ABHD5: variants seen among roughly 807,000 people sequenced by gnomAD.
ABHD5 encodes the protein 1-acylglycerol-3-phosphate O-acyltransferase ABHD5.
In ABHD5, 30 loss-of-function variants were observed where a neutral mutation model predicts 44.9. That is an observed-to-expected ratio of 0.67 (90% CI 0.50 to 0.91). The LOEUF (loss-of-function observed/expected upper bound fraction) is 0.91, where lower values mean the gene tolerates loss of function less well. Ranked by LOEUF, ABHD5 falls within the 40% of genes least tolerant of loss-of-function variation. The pLI is 0.00. For synonymous variants in ABHD5, 167 were observed against 147.0 expected (o/e 1.14, Z -0.99); for missense variants, 399 against 423.4 (o/e 0.94, Z 0.50).
At chr3:43,733,221 A>G (rs973290232) in intron 7 of ABHD5, among the ~76,000 whole-genome samples, 21 of 152,204 alleles carry the variant, frequency 1.4e-4, no homozygotes, top group African/African-American at 4.8e-4. Context: ...GGGCTGTCTT[A>G]GAGCTTACTC....
At chr3:43,703,580 GT>G (rs1308594875) in intron 3 of ABHD5, among the ~76,000 whole-genome samples, 2 of 152,126 alleles carry the variant, frequency 1.3e-5, no homozygotes, top group South Asian at 4.1e-4. Context: ...ACTCATCTTT[GT>G]TTTGATCATC....
chr3:43,707,429 A>G (rs1022135866), intron 3 of ABHD5, among the ~76,000 whole-genome samples: 2 of 152,032 alleles, frequency 1.3e-5, no homozygotes, highest in African/African-American at 4.8e-5. Context: ...AAGCTGTTCT[A>G]CTTGATTCGA....
At position 43,721,101 on chromosome 3, in the gene ABHD5, A is replaced by G. The variant is rs892568627; in HGVS notation, c.*2569A>G. The G allele has an allele frequency of 6.6e-6, 1 of 152,180 alleles. No homozygotes were observed. The highest frequency in any genetic ancestry group is 1.5e-5 in the Non-Finnish European group (1 of 68,014). 9.4% of individuals were successfully genotyped at this position (152,180 alleles called of 1,614,324 possible). ...GATGCCTAGAAAAGAACAATGTGGA[A>G]GGAGGGATAACCCTATTAAATATTA... On this transcript the variant is annotated 3_prime_UTR_variant, in exon 7 of 7. Coordinates refer to ENST00000644371, the MANE Select transcript of ABHD5 (RefSeq NM_016006.6).
intron 3 of ABHD5, among the ~76,000 whole-genome samples, chr3:43,706,184 T>A (rs1026022844): frequency 1.3e-5 from 2 of 152,180 alleles, no homozygotes; most frequent in African/African-American, 4.8e-5. Flanking sequence ...CACACACGTT[T>A]TCTCTGGTGC....
rs559136431 is a variant in ABHD5, at chr3:43,695,993, G to T, written c.48-3283G>T. ...TAAAACAAGAATCCTTTCTTTTTTT[G>T]TTTTTGTTTCTGTGATTAGATGCTT... On this transcript the variant is annotated intron_variant, in intron 1 of 6. Coordinates refer to ENST00000644371, the MANE Select transcript of ABHD5 (RefSeq NM_016006.6). Among the ~76,000 whole-genome samples the T allele has an allele frequency of 1.5e-3, 235 of 151,956 alleles. 1 individual carries two copies. The highest frequency in any genetic ancestry group is 5.2e-3 in the African/African-American group (216 of 41,472).
In ABHD5 at chr3:43,719,747, C is replaced by G. The variant is rs2084811050; in HGVS notation, c.*1215C>G. ...AAATGCTCCATGTGGTAACTGGCTG[C>G]TGAGAAAACCCTTCACCAAAAAAAT... On this transcript the variant is annotated 3_prime_UTR_variant, in exon 7 of 7. Coordinates refer to ENST00000644371, the MANE Select transcript of ABHD5 (RefSeq NM_016006.6). 1 of 152,050 alleles carries G rather than the reference C, an allele frequency of 6.6e-6. No homozygotes were observed. The highest frequency in any genetic ancestry group is 2.1e-4 in the South Asian group (1 of 4,824). The allele number at this position is 152,050 out of a possible 1,614,324, so 9.4% of individuals were successfully genotyped here.
chr3:43,697,420 A>G (rs1219703044), intron 1 of ABHD5, among the ~76,000 whole-genome samples: 1 of 152,038 alleles, frequency 6.6e-6, no homozygotes, highest in East Asian at 1.9e-4. Flanking sequence ...AAGACAATGG[A>G]TGAGATTGAG....
chr3:43,724,953 A>G (rs997067354), downstream of ABHD5, among the ~76,000 whole-genome samples: 2 of 152,226 alleles, frequency 1.3e-5, no homozygotes, highest in Admixed American at 6.5e-5. Flanking sequence ...ACTGTAAAAT[A>G]TAGAAAAATC....
At chr3:43,723,454 A>C (rs2084857083), downstream of ABHD5, among the ~76,000 whole-genome samples, 2 of 152,230 alleles carry the variant, frequency 1.3e-5, no homozygotes, top group Non-Finnish European at 2.9e-5. Context: ...AGAAGCATTT[A>C]TTTGGTGGCT....
At chr3:43,716,825 G>A (rs773622899) in intron 5 of ABHD5, among the ~76,000 whole-genome samples, 1 of 152,172 alleles carries the variant, frequency 6.6e-6, no homozygotes, top group Non-Finnish European at 1.5e-5. Context: ...TTTGATTGTA[G>A]TGAGACTTGA....
In ABHD5 at chr3:43,699,941, T is replaced by G. The variant is rs140339597; in HGVS notation, c.133+580T>G. ...AGTCTTAGTATTATGATGAAAATAG[T>G]TTTGACTTCCTGGATCTCCTCGAAG... On this transcript the variant is annotated intron_variant, in intron 2 of 6. Transcript: ENST00000644371. Among the ~76,000 whole-genome samples, 99 of 152,242 alleles carry G rather than the reference T, an allele frequency of 6.5e-4. 2 individuals are homozygous for G. Among genetic ancestry groups the G allele is most frequent in the African/African-American group, 2.3e-3 (96 of 41,536 alleles).
intron 5 of ABHD5, among the ~76,000 whole-genome samples, chr3:43,717,464 A>T (rs1266864750): frequency 2.0e-5 from 3 of 152,238 alleles, no homozygotes; most frequent in Non-Finnish European, 4.4e-5. Context: ...TTTAAAAATC[A>T]GCTGGAGTAT....
chr3:43,700,754 A>G (rs572567513), intron 2 of ABHD5, among the ~76,000 whole-genome samples: 1 of 147,530 alleles, frequency 6.8e-6, no homozygotes, highest in East Asian at 2.0e-4. Context: ...TTGTATTTTT[A>G]GTAGAGATGG....
chr3:43,711,793 G>C lies in ABHD5; in HGVS notation c.591G>C (p.Trp197Cys). 1 of 1,614,200 alleles carries C rather than the reference G, an allele frequency of 6.2e-7. No homozygotes were observed. Among genetic ancestry groups the C allele is most frequent in the Non-Finnish European group, 8.5e-7 (1 of 1,180,038 alleles). ...ATCAAGACAGACCAATTCCAGTTTG[G>C]ATCAGAGCCTTGGGAGCAGCATTGA... ...LADQDRPIPV[W>C]IRALGAALTP... The change falls in exon 4 of 7, where the codon TGG becomes TGC. Residue 197 changes from tryptophan (W) to cysteine (C), a missense_variant. By Grantham distance (215) the Trp-to-Cys change is radical. Transcript: ENST00000644371.
At chr3:43,711,017 C>T (rs2084682334) in intron 3 of ABHD5, among the ~76,000 whole-genome samples, 1 of 151,970 alleles carries the variant, frequency 6.6e-6, no homozygotes, top group Non-Finnish European at 1.5e-5. Context: ...ATCTCTTGGT[C>T]AATGAAAAAG....
At position 43,718,904 on chromosome 3, in the gene ABHD5, A is replaced by T. The variant is rs967742442; in HGVS notation, c.*372A>T. On this transcript the variant is annotated 3_prime_UTR_variant, in exon 7 of 7. Coordinates refer to ENST00000644371, the MANE Select transcript of ABHD5 (RefSeq NM_016006.6). ...TTACCAATTTAGGAAGTGATTTCTG[A>T]GTCTCTTACACTGTAAAGGTGCACT... The T allele has an allele frequency of 4.2e-6, 1 of 238,848 alleles. No homozygotes were observed. Among genetic ancestry groups the T allele is most frequent in the Non-Finnish European group, 8.4e-6 (1 of 119,758 alleles). The allele number at this position is 238,848 out of a possible 1,614,324, so 14.8% of individuals were successfully genotyped here.
At chr3:43,698,710 AC>A (rs1453500091) in intron 1 of ABHD5, among the ~76,000 whole-genome samples, 1 of 152,200 alleles carries the variant, frequency 6.6e-6, no homozygotes, top group African/African-American at 2.4e-5. Context: ...TTAACAGTTA[AC>A]CAGTTCACCC....
downstream of ABHD5, among the ~76,000 whole-genome samples, chr3:43,724,842 G>A (rs999293006): frequency 3.9e-5 from 6 of 152,090 alleles, no homozygotes; most frequent in African/African-American, 1.5e-4. Flanking sequence ...TATATACATG[G>A]GTTTGTCAAC....
chr3:43,699,586 G>T, intron 2 of ABHD5: 4 of 503,518 alleles, frequency 7.9e-6, no homozygotes. Flanking sequence ...TCTTAAATTA[G>T]TAAGGACCCC....
Sources: gnomAD v4.1 joint callset for allele counts (sites outside exome capture counted in the v4.1 genomes callset) on GRCh38, gnomAD v4.1.1 for gene constraint, MANE v1.5 for transcripts, NCBI Gene and HGNC (gene_info 2026-07-23, HGNC 2026-07-21) for gene names.